The following MRAP2 variants were observed in gnomAD, a reference collection of about 807,000 sequenced individuals.
The protein encoded by MRAP2 is melanocortin 2 receptor accessory protein 2.
In MRAP2, 20 loss-of-function variants were observed where a neutral mutation model predicts 17.4. That is an observed-to-expected ratio of 1.15 (90% CI 0.81 to 1.67). MRAP2 has a LOEUF of 1.67. MRAP2 is among the 40% of genes most tolerant of loss of function. The pLI is 0.00. For missense variants in MRAP2, 238 were observed against 240.0 expected (o/e 0.99, Z 0.05); for synonymous variants, 96 against 88.4 (o/e 1.09, Z -0.48).
chr6:84,038,204 A>G (rs1465609554), intron 1 of MRAP2, among the ~76,000 whole-genome samples: 1 of 152,250 alleles, frequency 6.6e-6, no homozygotes, highest in African/African-American at 2.4e-5. Flanking sequence ...ATGAGCAGCC[A>G]GCTGAAGGAA....
At chr6:84,118,157 T>C in the MRAP2 span, among the ~76,000 whole-genome samples, 1 of 152,100 alleles carries the variant, frequency 6.6e-6, no homozygotes, top group South Asian at 2.1e-4. Context: ...AAATTAGAAC[T>C]CTGCAGGCTG....
chr6:84,071,655 G>A (rs1288765857), intron 3 of MRAP2, among the ~76,000 whole-genome samples: 2 of 152,128 alleles, frequency 1.3e-5, no homozygotes, highest in African/African-American at 2.4e-5. Flanking sequence ...AGTTTTCCTT[G>A]ATTATTTCCC....
chr6:84,122,844 A>G, the MRAP2 span, among the ~76,000 whole-genome samples: 11 of 152,246 alleles, frequency 7.2e-5, no homozygotes, highest in East Asian at 9.6e-4. Flanking sequence ...AGACTCCTCC[A>G]GAAGACTCGT....
At chr6:84,071,839 A>G (rs2099496268) in intron 3 of MRAP2, among the ~76,000 whole-genome samples, 2 of 151,972 alleles carry the variant, frequency 1.3e-5, no homozygotes, top group African/African-American at 4.8e-5. Context: ...CGAGCTCTGA[A>G]TTTCTTTCTT....
At chr6:84,087,629 C>T (rs2497135) in intron 3 of MRAP2, among the ~76,000 whole-genome samples, 14,536 of 151,978 alleles carry the variant, frequency 0.096, 1,031 homozygotes, top group African/African-American at 0.2. Flanking sequence ...CAAAGAAGAC[C>T]ATGTAAATTT....
chr6:84,123,148 T>G, the MRAP2 span, among the ~76,000 whole-genome samples: 11 of 151,922 alleles, frequency 7.2e-5, no homozygotes, highest in Non-Finnish European at 1.5e-4. Flanking sequence ...AATGACCATA[T>G]TGCCCAAAGC....
intron 1 of MRAP2, among the ~76,000 whole-genome samples, chr6:84,042,572 A>G (rs2099487869): frequency 1.3e-5 from 2 of 152,078 alleles, no homozygotes; most frequent in South Asian, 4.1e-4. Flanking sequence ...ACTATTTGGG[A>G]CCCTTAGACC....
intron 2 of MRAP2, chr6:84,061,690 G>A (rs2099493215): frequency 1.3e-6 from 1 of 796,106 alleles, no homozygotes; most frequent in Non-Finnish European, 1.5e-6. Context: ...CTGTGAGGAA[G>A]CTGTGGCTAA....
At chr6:84,111,479 G>T in the MRAP2 span, among the ~76,000 whole-genome samples, 2 of 152,202 alleles carry the variant, frequency 1.3e-5, no homozygotes, top group African/African-American at 4.8e-5. Flanking sequence ...TGCTGAAGTT[G>T]CTTATCAGCT....
downstream of MRAP2, among the ~76,000 whole-genome samples, chr6:84,091,239 CTTTTTT>C (rs34508361): frequency 1.9e-5 from 2 of 108,054 alleles, no homozygotes; most frequent in South Asian, 2.9e-4. Flanking sequence ...AGTTTGTTAA[CTTTTTT>C]TTTTTTTTTT....
the MRAP2 span, among the ~76,000 whole-genome samples, chr6:84,134,009 T>A: frequency 6.6e-6 from 1 of 152,266 alleles, no homozygotes; most frequent in South Asian, 2.1e-4. Context: ...GGGGGTTTTT[T>A]CTATAAGACC....
intron 1 of MRAP2, among the ~76,000 whole-genome samples, chr6:84,052,036 C>T (rs140545280): frequency 2.2e-4 from 33 of 152,338 alleles, no homozygotes; most frequent in African/African-American, 7.9e-4. Flanking sequence ...CTTTTGTTGG[C>T]AGTGATGCTT....
At chr6:84,061,335 G>C (rs1025155902) in intron 2 of MRAP2, among the ~76,000 whole-genome samples, 1 of 151,968 alleles carries the variant, frequency 6.6e-6, no homozygotes, top group Non-Finnish European at 1.5e-5. Context: ...GCTTCTTAGT[G>C]TAGGCCAAAA....
chr6:84,039,518 T>A (rs1267335877), intron 1 of MRAP2, among the ~76,000 whole-genome samples: 2 of 152,130 alleles, frequency 1.3e-5, no homozygotes, highest in African/African-American at 4.8e-5. Flanking sequence ...TGTTGAGATA[T>A]GAAGTAAAAA....
At chr6:84,110,484 CT>C in the MRAP2 span, among the ~76,000 whole-genome samples, 1 of 152,094 alleles carries the variant, frequency 6.6e-6, no homozygotes, top group East Asian at 1.9e-4. Context: ...GATATTAGCC[CT>C]TTTTCCAGAT....
chr6:84,112,583 A>AT, the MRAP2 span, among the ~76,000 whole-genome samples: 1 of 151,698 alleles, frequency 6.6e-6, no homozygotes, highest in Non-Finnish European at 1.5e-5. Context: ...TTTATGAGGG[A>AT]TTTTTTATGT....
chr6:84,124,972 T>C, the MRAP2 span: 1 of 906,948 alleles, frequency 1.1e-6, no homozygotes, highest in Non-Finnish European at 1.7e-6. Context: ...TCTGGAAACA[T>C]ATTGGAACAC....
chr6:84,052,862 GC>G, intron 1 of MRAP2: 1 of 906,036 alleles, frequency 1.1e-6, no homozygotes, highest in Non-Finnish European at 1.3e-6. Flanking sequence ...CAGGACTTTT[GC>G]ACATGTAGCT....
intron 1 of MRAP2, among the ~76,000 whole-genome samples, chr6:84,043,373 G>A (rs2099488157): frequency 6.6e-6 from 1 of 152,198 alleles, no homozygotes; most frequent in East Asian, 1.9e-4. Context: ...TTTAAGAGAA[G>A]AGAGAGATCC....
Sources: allele counts gnomAD v4.1 joint callset (sites outside exome capture counted in the v4.1 genomes callset), GRCh38; gene constraint gnomAD v4.1.1; transcripts MANE v1.5; gene names NCBI Gene and HGNC (gene_info 2026-07-23, HGNC 2026-07-21).